NEK6: variants seen among roughly 807,000 people sequenced by gnomAD.
The protein encoded by NEK6 is serine/threonine-protein kinase Nek6.
Under a neutral mutation model 43.5 loss-of-function variants are expected in NEK6, and 27 were observed. The ratio of observed to expected loss-of-function variants is 0.62; its 90% CI spans 0.46 to 0.86. The LOEUF (loss-of-function observed/expected upper bound fraction) is 0.86, where lower values mean the gene tolerates loss of function less well. Ranked by LOEUF, NEK6 falls within the 40% of genes least tolerant of loss-of-function variation. NEK6 has a pLI of 0.00. For synonymous variants in NEK6, 167 were observed against 164.1 expected (o/e 1.02, Z -0.14); for missense variants, 318 against 414.4 (o/e 0.77, Z 2.02).
intron 1 of NEK6, among the ~76,000 whole-genome samples, chr9:124,297,762 C>T (rs756670554): frequency 1.4e-4 from 21 of 152,216 alleles, no homozygotes; most frequent in Non-Finnish European, 2.4e-4. Flanking sequence ...CGCGGGATCC[C>T]GGGGACGGGC....
chr9:124,281,153 A>G (rs1003716642), intron 1 of NEK6, among the ~76,000 whole-genome samples: 7 of 152,162 alleles, frequency 4.6e-5, no homozygotes, highest in Admixed American at 1.3e-4. Context: ...CTGCCTGGTG[A>G]CTGGCCTGGG....
At chr9:124,333,621 A>G (rs1277161876) in intron 7 of NEK6, among the ~76,000 whole-genome samples, 1 of 152,024 alleles carries the variant, frequency 6.6e-6, no homozygotes, top group Non-Finnish European at 1.5e-5. Flanking sequence ...CTCCTTTTAG[A>G]CGGGAACTAA....
intron 1 of NEK6, among the ~76,000 whole-genome samples, chr9:124,279,474 G>A (rs1420705065): frequency 6.6e-6 from 1 of 152,198 alleles, no homozygotes; most frequent in South Asian, 2.1e-4. Flanking sequence ...GCTAATTTTT[G>A]TATTTTTAGT....
Position 124,324,973 on chromosome 9 carries a change from G to A in NEK6, c.406-1357G>A, listed in dbSNP as rs1007988344. On this transcript the variant is annotated intron_variant, in intron 5 of 9. Transcript: ENST00000320246. The surrounding 1 kb of genome is among the most constrained non-coding windows in gnomAD (Gnocchi z 5.3). ...GCAGATCACCTGAGGTGAGGAGTTC[G>A]AGACCAGCCTGGCTAACGTGGTGAA... Among the ~76,000 whole-genome samples the A allele has an allele frequency of 2.6e-5, 4 of 152,172 alleles. No individual in the cohort carries two copies. The highest frequency in any genetic ancestry group is 4.4e-5 in the Non-Finnish European group (3 of 68,024).
chr9:124,292,711 G>A (rs1354204026), intron 1 of NEK6: 6 of 1,147,494 alleles, frequency 5.2e-6, no homozygotes, highest in Non-Finnish European at 6.0e-6. Context: ...GGTCTCGGGG[G>A]GCCAGGCTTC....
intron 8 of NEK6, among the ~76,000 whole-genome samples, chr9:124,347,241 C>G (rs1333337598): frequency 6.6e-6 from 1 of 152,234 alleles, no homozygotes; most frequent in Non-Finnish European, 1.5e-5. Flanking sequence ...CCTCACCCTT[C>G]TCCGGCCCAC....
intron 8 of NEK6, among the ~76,000 whole-genome samples, chr9:124,342,613 C>A (rs547639300): frequency 6.6e-6 from 1 of 152,246 alleles, no homozygotes; most frequent in African/African-American, 2.4e-5. Flanking sequence ...GCACGAGGCT[C>A]CTGCAGCTTG....
chr9:124,285,403 TA>T (rs778876672), intron 1 of NEK6, among the ~76,000 whole-genome samples: 13 of 152,166 alleles, frequency 8.5e-5, no homozygotes, highest in Non-Finnish European at 1.9e-4. Context: ...GACCTGCATG[TA>T]AAACTCCAAG....
At chr9:124,345,223 T>C (rs1380747646) in intron 8 of NEK6, among the ~76,000 whole-genome samples, 2 of 152,152 alleles carry the variant, frequency 1.3e-5, no homozygotes, top group East Asian at 1.9e-4. Context: ...TCCTCTCTAT[T>C]TCGACCAGTC....
Position 124,347,759 on chromosome 9 carries a change from C to T in NEK6, c.768C>T (p.Ser256=). Residue 256 remains serine, a synonymous_variant, in exon 9 of 10, where the codon TCC becomes TCT. Transcript: ENST00000320246. ...ATGGAGATAAGATGAATCTCTTCTCCCTGTGCCAGAAGATCGAGCAGTGTG... is the reference window on the plus strand; with the variant it reads ...ATGGAGATAAGATGAATCTCTTCTCTCTGTGCCAGAAGATCGAGCAGTGTG... ...PFYGDKMNLF[S]LCQKIEQCDY... 6.2e-7 allele frequency: 1 copy of T among 1,613,318 alleles called. No individual in the cohort carries two copies. The highest frequency in any genetic ancestry group is 8.5e-7 in the Non-Finnish European group (1 of 1,179,592).
chr9:124,259,910 C>A (rs1033618732), intron 1 of NEK6, among the ~76,000 whole-genome samples: 3 of 152,196 alleles, frequency 2.0e-5, no homozygotes, highest in Non-Finnish European at 2.9e-5. Flanking sequence ...AATGGAGCGC[C>A]TGGCTTTAAC....
intron 8 of NEK6, among the ~76,000 whole-genome samples, chr9:124,346,516 G>C (rs1829933306): frequency 6.6e-6 from 1 of 152,184 alleles, no homozygotes; most frequent in Non-Finnish European, 1.5e-5. Flanking sequence ...CCTCCGGGGG[G>C]GAACCGGGGC....
rs1479484442 is a variant in NEK6, at chr9:124,275,060, C to T, written c.-30+16975C>T. 1.3e-5 allele frequency among the ~76,000 whole-genome samples: 2 copies of T among 152,182 alleles called. No homozygotes were observed. The highest frequency in any genetic ancestry group is 4.8e-5 in the African/African-American group (2 of 41,432). On this transcript the variant is annotated intron_variant, in intron 1 of 9. Coordinates refer to ENST00000320246, the MANE Select transcript of NEK6 (RefSeq NM_014397.6). The surrounding 1 kb of genome is among the most constrained non-coding windows in gnomAD (Gnocchi z 4.4). ...TGCTTAGTTCTTGTGATTAGTTCAT[C>T]GTGTGCCTCACCACACTTCCATCCC...
intron 4 of NEK6, among the ~76,000 whole-genome samples, chr9:124,314,644 C>T (rs1450205914): frequency 6.6e-6 from 1 of 151,994 alleles, no homozygotes; most frequent in Non-Finnish European, 1.5e-5. Context: ...GCGCATGCCA[C>T]CACACCTGAT....
intron 1 of NEK6, among the ~76,000 whole-genome samples, chr9:124,272,912 G>A (rs934582484): frequency 6.6e-6 from 1 of 152,184 alleles, no homozygotes; most frequent in Non-Finnish European, 1.5e-5. Context: ...GAACCACTCT[G>A]CCCTAGTGTG....
intron 1 of NEK6, among the ~76,000 whole-genome samples, chr9:124,298,275 G>A (rs1455540086): frequency 6.6e-6 from 1 of 151,390 alleles, no homozygotes; most frequent in East Asian, 1.9e-4. Flanking sequence ...GCTCTCGGTG[G>A]GTAGGGGCTT....
Position 124,280,636 on chromosome 9 carries a change from A to C in NEK6, c.-29-21300A>C, listed in dbSNP as rs145956260. ...ATTGGGTCATCAGGCCTCCAGGGCC[A>C]CATGTTTGGAAAGCTATTCCTGGAG... On this transcript the variant is annotated intron_variant, in intron 1 of 9. Transcript: ENST00000320246. Among the ~76,000 whole-genome samples the C allele has an allele frequency of 3.7e-3, 569 of 152,330 alleles. 2 individuals are homozygous for C. Among genetic ancestry groups the C allele is most frequent in the Non-Finnish European group, 5.4e-3 (370 of 68,026 alleles).
At chr9:124,295,508 C>T (rs1340978416) in intron 1 of NEK6, among the ~76,000 whole-genome samples, 2 of 152,258 alleles carry the variant, frequency 1.3e-5, no homozygotes, top group Admixed American at 6.5e-5. Context: ...TTCACACCCT[C>T]TTCCAAGGCA....
At chr9:124,272,846 C>T (rs1322546923) in intron 1 of NEK6, among the ~76,000 whole-genome samples, 1 of 152,194 alleles carries the variant, frequency 6.6e-6, no homozygotes, top group East Asian at 1.9e-4. Flanking sequence ...GCACAGTGTG[C>T]CCACTGCCAA....
Sources: allele counts gnomAD v4.1 joint callset (sites outside exome capture counted in the v4.1 genomes callset), GRCh38; gene constraint gnomAD v4.1.1; non-coding constraint Gnocchi (gnomAD v3.1); transcripts MANE v1.5; gene names NCBI Gene and HGNC (gene_info 2026-07-23, HGNC 2026-07-21).